The following C12orf76 variants were observed in gnomAD, a reference collection of about 807,000 sequenced individuals.
The protein encoded by C12orf76 is uncharacterized protein C12orf76.
In C12orf76, 6 loss-of-function variants were observed where a neutral mutation model predicts 6.8. That is an observed-to-expected ratio of 0.88 (90% confidence interval 0.48 to 1.73). The LOEUF (loss-of-function observed/expected upper bound fraction) is 1.73, where lower values mean the gene tolerates loss of function less well. C12orf76 is among the 40% of genes most tolerant of loss of function. The probability of loss-of-function intolerance (pLI) is 0.01; values close to 1 mark genes in which losing one functional copy is unlikely to be tolerated. For missense variants in C12orf76, 99 were observed against 98.2 expected, an observed-to-expected ratio of 1.01 and a Z score of -0.03; for synonymous variants, 56 against 43.7, an observed-to-expected ratio of 1.28 and a Z score of -1.11.
chr12:110,058,919 A>G, intron 3 of C12orf76: 1 of 1,459,394 alleles, frequency 6.9e-7, no homozygotes, highest in Non-Finnish European at 9.1e-7. Context: ...TAACTTTTGC[A>G]ATTCTTACTC....
chr12:110,047,739 C>T (rs1892487859), intron 1 of C12orf76, among the ~76,000 whole-genome samples: 1 of 152,162 alleles, frequency 6.6e-6, no homozygotes, highest in Non-Finnish European at 1.5e-5. Flanking sequence ...TTGTAAGGCT[C>T]AAATGAATTC....
chr12:110,049,786 A>T (rs1892545088), upstream of C12orf76: 1 of 152,234 alleles, frequency 6.6e-6, no homozygotes, highest in African/African-American at 2.4e-5. Flanking sequence ...CAGTAGCTAA[A>T]AATCAACTCA....
chr12:110,052,679 C>T (rs1892600538), upstream of C12orf76, among the ~76,000 whole-genome samples: 4 of 152,160 alleles, frequency 2.6e-5, no homozygotes, highest in South Asian at 8.3e-4. Context: ...TATTTAGTCC[C>T]TTCTTTCTGC....
At chr12:110,046,165 C>T in intron 1 of C12orf76, among the ~76,000 whole-genome samples, 1 of 152,030 alleles carries the variant, frequency 6.6e-6, no homozygotes, top group Non-Finnish European at 1.5e-5. Flanking sequence ...TGGTGGCTCA[C>T]ACCTGTAATC....
At chr12:110,067,355 G>C in intron 1 of C12orf76, 1 of 945,362 alleles carries the variant, frequency 1.1e-6, no homozygotes, top group Non-Finnish European at 1.3e-6. Flanking sequence ...GGTAAGAATA[G>C]GAGCTCAACA....
chr12:110,068,220 GGAGAAGGAGAA>G (rs1214796894), upstream of C12orf76, among the ~76,000 whole-genome samples: 2 of 147,104 alleles, frequency 1.4e-5, no homozygotes, highest in East Asian at 4.0e-4. Context: ...AGAAGAAGAA[GGAGAAGGAGAA>G]GAGAAGAAGA....
chr12:110,051,452 A>T (rs1593245761), upstream of C12orf76, among the ~76,000 whole-genome samples: 1 of 151,462 alleles, frequency 6.6e-6, no homozygotes, highest in Admixed American at 6.6e-5. Context: ...TTTTAAATGG[A>T]GTCTTGCTCT....
upstream of C12orf76, among the ~76,000 whole-genome samples, chr12:110,069,650 T>C (rs1892937513): frequency 6.6e-6 from 1 of 152,054 alleles, no homozygotes; most frequent in South Asian, 2.1e-4. Context: ...GGCTGAAAAT[T>C]ATGTACCTAG....
At chr12:110,067,115 A>T (rs1382581828) in intron 1 of C12orf76, among the ~76,000 whole-genome samples, 3 of 152,224 alleles carry the variant, frequency 2.0e-5, no homozygotes, top group Non-Finnish European at 4.4e-5. Context: ...GAATGCAACC[A>T]TCTTTTATTC....
upstream of C12orf76, among the ~76,000 whole-genome samples, chr12:110,051,710 C>T (rs1331569043): frequency 1.3e-5 from 2 of 151,822 alleles, no homozygotes; most frequent in Non-Finnish European, 2.9e-5. Context: ...CAGGTGTGAG[C>T]CACCATGCCC....
intron 4 of C12orf76, among the ~76,000 whole-genome samples, chr12:110,055,939 A>G (rs1336885419): frequency 6.6e-6 from 1 of 152,042 alleles, no homozygotes; most frequent in Non-Finnish European, 1.5e-5. Flanking sequence ...CTCCAGCTGC[A>G]TGACTCCTAA....
At chr12:110,047,382 C>T (rs898248216) in intron 1 of C12orf76, among the ~76,000 whole-genome samples, 11 of 152,146 alleles carry the variant, frequency 7.2e-5, no homozygotes, top group Admixed American at 3.3e-4. Context: ...GTTTCATTTT[C>T]CTTATCTGAA....
chr12:110,051,174 C>A (rs1287232985), upstream of C12orf76: 2 of 778,980 alleles, frequency 2.6e-6, no homozygotes, highest in Non-Finnish European at 4.8e-6. Flanking sequence ...AGCTAAATGG[C>A]AGGCACAGGA....
At chr12:110,056,466 G>T (rs1254596217) in intron 4 of C12orf76, among the ~76,000 whole-genome samples, 1 of 151,974 alleles carries the variant, frequency 6.6e-6, no homozygotes, top group African/African-American at 2.4e-5. Flanking sequence ...GGTAAATTTT[G>T]GGGGTGTGGT....
chr12:110,042,710 A>G (rs1892345610), intron 1 of C12orf76: 1 of 640,994 alleles, frequency 1.6e-6, no homozygotes. Flanking sequence ...GGATGGAGAC[A>G]GGGTGGGCAG....
rs543388384 is a variant in C12orf76, at chr12:110,066,117, T to C, written n.207-84A>G. ...ATGGTCAGGGGCAGGCCGGGCGCGGTAGCTCACAATTTGGGAGGCCGAGGC... is the reference window on the plus strand; with the variant it reads ...ATGGTCAGGGGCAGGCCGGGCGCGGCAGCTCACAATTTGGGAGGCCGAGGC... On this transcript the variant is annotated intron_variant and non_coding_transcript_variant, in intron 1 of 4. Transcript: ENST00000309050. 2.1e-5 allele frequency: 29 copies of C among 1,388,526 alleles called. 1 individual carries two copies. The East Asian group carries it at 4.0e-4, about 19-fold the overall frequency. 86.0% of individuals were successfully genotyped at this position (1,388,526 alleles called of 1,614,324 possible).
upstream of C12orf76, among the ~76,000 whole-genome samples, chr12:110,070,993 T>C (rs1019407105): frequency 6.6e-6 from 1 of 152,188 alleles, no homozygotes; most frequent in Admixed American, 6.5e-5. Flanking sequence ...CAGGCTGGTC[T>C]CAAACTCCTG....
At chr12:110,073,606 A>C in exon 1 of C12orf76, 1 of 442,842 alleles carries the variant, frequency 2.3e-6, no homozygotes. Flanking sequence ...ATGGGGCCAC[A>C]GCAAGCCCCC....
chr12:110,068,378 C>T (rs2137241805), upstream of C12orf76, among the ~76,000 whole-genome samples: 1 of 152,074 alleles, frequency 6.6e-6, no homozygotes, highest in South Asian at 2.1e-4. Context: ...GAGAGAGAAC[C>T]TACCTGATGA....
Sources: allele counts gnomAD v4.1 joint callset (sites outside exome capture counted in the v4.1 genomes callset), GRCh38; gene constraint gnomAD v4.1.1; transcripts MANE v1.5; gene names NCBI Gene and HGNC (gene_info 2026-07-23, HGNC 2026-07-21).